The following CMIP variants were observed in gnomAD, a reference collection of about 807,000 sequenced individuals.
The protein encoded by CMIP is C-Maf-inducing protein.
In CMIP, 13 loss-of-function variants were observed where a neutral mutation model predicts 97.3. The observed-to-expected ratio is 0.13, with a 90% CI of 0.09 to 0.21. The LOEUF (loss-of-function observed/expected upper bound fraction) is 0.21, where lower values mean the gene tolerates loss of function less well. Ranked by LOEUF, CMIP falls within the 10% of genes least tolerant of loss-of-function variation. The pLI is 1.00. For synonymous variants in CMIP, 538 were observed against 436.3 expected, an observed-to-expected ratio of 1.23 and a Z score of -2.91; for missense variants, 847 against 1,024.9, an observed-to-expected ratio of 0.83 and a Z score of 2.37.
chr16:81,584,687 G>A (rs1374559914), intron 1 of CMIP, among the ~76,000 whole-genome samples: 1 of 152,112 alleles, frequency 6.6e-6, no homozygotes, highest in Admixed American at 6.6e-5. Context: ...AAACTAGCCC[G>A]GCGCCGTCCA....
chr16:81,651,496 TC>T, intron 3 of CMIP: 1 of 479,470 alleles, frequency 2.1e-6, no homozygotes, highest in Non-Finnish European at 2.7e-6. Context: ...GGGGGAGCAT[TC>T]CAGGTTTAGT....
chr16:81,711,657 C>T lies in CMIP; in HGVS notation c.*1858C>T, dbSNP rs1908792995. 6.6e-6 allele frequency: 1 copy of T among 151,790 alleles called. No homozygotes were observed. The highest frequency in any genetic ancestry group is 1.5e-5 in the Non-Finnish European group (1 of 67,924). 9.4% of individuals were successfully genotyped at this position (151,790 alleles called of 1,614,324 possible). A position where few individuals can be genotyped will look rare whatever the true frequency, so the allele number is the denominator to read the frequency against. ...AAGAAACAAGACATGCCACCTTTCC[C>T]CTCGCACTGTTGCTTTTCCTGATGG... On this transcript the variant is annotated 3_prime_UTR_variant, in exon 21 of 21. Transcript: ENST00000537098.
At chr16:81,688,408 G>A (rs1905663735) in intron 10 of CMIP, among the ~76,000 whole-genome samples, 1 of 152,230 alleles carries the variant, frequency 6.6e-6, no homozygotes, top group South Asian at 2.1e-4. Context: ...GGGCTGGTGA[G>A]AGCCAAGGCT....
chr16:81,595,702 C>A (rs933360648), intron 1 of CMIP, among the ~76,000 whole-genome samples: 1 of 152,116 alleles, frequency 6.6e-6, no homozygotes, highest in Non-Finnish European at 1.5e-5. Flanking sequence ...ATAATACTTT[C>A]AAGGTTCATC....
chr16:81,535,399 C>A (rs953021215), intron 1 of CMIP, among the ~76,000 whole-genome samples: 1 of 151,214 alleles, frequency 6.6e-6, no homozygotes, highest in African/African-American at 2.4e-5. Context: ...TTCTCGTGGG[C>A]TGTGTCTCAT....
At chr16:81,605,746 C>A (rs1019492246) in intron 1 of CMIP, among the ~76,000 whole-genome samples, 1 of 152,216 alleles carries the variant, frequency 6.6e-6, no homozygotes, top group South Asian at 2.1e-4. Context: ...ATTCTTTATG[C>A]GGCCCTTGCC....
chr16:81,576,175 G>A (rs1597106743), intron 1 of CMIP, among the ~76,000 whole-genome samples: 1 of 152,126 alleles, frequency 6.6e-6, no homozygotes, highest in African/African-American at 2.4e-5. Flanking sequence ...AGGCTGAGGC[G>A]GGTGGATCAC....
rs1234537865 is a variant in CMIP at position 81,445,174 on chromosome 16, G to T, written c.-68G>T. 9.5e-7 allele frequency: 1 copy of T among 1,048,462 alleles called. No individual in the cohort carries two copies. The highest frequency in any genetic ancestry group is 1.3e-6 in the Non-Finnish European group (1 of 794,570). The allele number at this position is 1,048,462 out of a possible 1,614,324, so 64.9% of individuals were successfully genotyped here. A position where few individuals can be genotyped will look rare whatever the true frequency, so the allele number is the denominator to read the frequency against. ...GGGGTGCGGGCCGCCGGATCCGGGG[G>T]CCCCGCCGCCCCAGCAGCCCAGGAC... is the stretch of plus-strand genomic sequence containing the variant. On this transcript the variant is annotated 5_prime_UTR_variant, in exon 1 of 21. Transcript: ENST00000537098.
In CMIP at chr16:81,449,007, A is replaced by G. The variant is rs1015125905; in HGVS notation, c.300+3466A>G. On this transcript the variant is annotated intron_variant, in intron 1 of 20. Coordinates refer to ENST00000537098, the MANE Select transcript of CMIP (RefSeq NM_198390.3). The stretch of plus-strand genomic sequence containing the variant: ...ATAAGCGGCCGGGTTCGGCAGGACC[A>G]GAATCCATTTTGCTGCTCTCGTCTG... 2.0e-5 allele frequency among the ~76,000 whole-genome samples: 3 copies of G among 152,248 alleles called. No homozygotes were observed. In the East Asian group the frequency reaches 5.8e-4, roughly 29 times the overall value.
At chr16:81,521,330 C>T (rs1396277516) in intron 1 of CMIP, among the ~76,000 whole-genome samples, 4 of 151,988 alleles carry the variant, frequency 2.6e-5, no homozygotes, top group East Asian at 1.9e-4. Context: ...TCGGCAGTGG[C>T]AGGAAGACAG....
intron 1 of CMIP, among the ~76,000 whole-genome samples, chr16:81,465,207 G>A (rs148143355): frequency 6.6e-6 from 1 of 152,364 alleles, no homozygotes; most frequent in African/African-American, 2.4e-5. Context: ...GACAGCCAGA[G>A]ATGATAATTA....
At chr16:81,705,410 C>T (rs919195900) in intron 18 of CMIP, 89 bp from the exon 19 acceptor site, 7 of 953,782 alleles carry the variant, frequency 7.3e-6, no homozygotes, top group Non-Finnish European at 9.6e-6. Flanking sequence ...AGGCTCTGTC[C>T]CCATCCCTTT....
chr16:81,572,854 A>T (rs1053483668), intron 1 of CMIP, among the ~76,000 whole-genome samples: 9 of 152,116 alleles, frequency 5.9e-5, no homozygotes, highest in Non-Finnish European at 1.2e-4. Flanking sequence ...CTTCCCCAGC[A>T]TTAGCACCAG....
intron 7 of CMIP, chr16:81,667,139 G>T (rs183860525): frequency 5.9e-5 from 9 of 152,354 alleles, no homozygotes; most frequent in African/African-American, 2.2e-4. Context: ...GTGCTGTTCT[G>T]GGATTTGGGG....
intron 1 of CMIP, among the ~76,000 whole-genome samples, chr16:81,539,066 G>A (rs1456988774): frequency 6.6e-6 from 1 of 152,058 alleles, no homozygotes; most frequent in East Asian, 1.9e-4. Flanking sequence ...CCGATGGGCC[G>A]ATTACCCTGA....
At chr16:81,671,663 A>G (rs73600434) in intron 8 of CMIP, among the ~76,000 whole-genome samples, 222 of 152,320 alleles carry the variant, frequency 1.5e-3, no homozygotes, top group African/African-American at 5.0e-3. Flanking sequence ...TCCTCATTTT[A>G]TCGCTGCAGA....
chr16:81,658,788 C>T (rs754534959), intron 5 of CMIP, among the ~76,000 whole-genome samples: 10 of 152,246 alleles, frequency 6.6e-5, no homozygotes, highest in Admixed American at 1.3e-4. Flanking sequence ...GACCTTGGAA[C>T]TAACCTGCCT....
intron 3 of CMIP, among the ~76,000 whole-genome samples, chr16:81,636,511 G>T (rs1337684486): frequency 2.6e-5 from 4 of 151,436 alleles, no homozygotes; most frequent in African/African-American, 9.7e-5. Context: ...AACCCAGGGG[G>T]CAGAGGTTGC....
rs966246012 is a variant in CMIP, at chr16:81,528,036, C to A, written c.301-79531C>A. Among the ~76,000 whole-genome samples, 14 of 152,310 alleles carry A rather than the reference C, an allele frequency of 9.2e-5. 1 individual carries two copies. The Middle Eastern group carries it at 0.014, about 148-fold the overall frequency. Reference sequence around the variant, plus strand: ...CAAAGTGGTTGTACCAGTTTACATTCCCAGGAGCAGTATGGGTGATTTCTG... The same window carrying A: ...CAAAGTGGTTGTACCAGTTTACATTACCAGGAGCAGTATGGGTGATTTCTG... On this transcript the variant is annotated intron_variant, in intron 1 of 20. Coordinates refer to ENST00000537098, the MANE Select transcript of CMIP (RefSeq NM_198390.3).
Sources: allele counts gnomAD v4.1 joint callset (sites outside exome capture counted in the v4.1 genomes callset), GRCh38; gene constraint gnomAD v4.1.1; transcripts MANE v1.5; gene names NCBI Gene and HGNC (gene_info 2026-07-23, HGNC 2026-07-21).